The following SERINC5 variants were observed in gnomAD, a reference collection of about 807,000 sequenced individuals.
SERINC5 encodes serine incorporator 5.
In SERINC5, 41 loss-of-function variants were observed where a neutral mutation model predicts 63.1. That is an observed-to-expected ratio of 0.65 (90% CI 0.51 to 0.84). SERINC5 has a LOEUF of 0.84. Among genes scored for constraint, SERINC5 ranks in the 40% least tolerant of loss-of-function variants. SERINC5 has a pLI of 0.00. For missense variants in SERINC5, 523 were observed against 573.0 expected (o/e 0.91, Z 0.89); for synonymous variants, 222 against 215.2 (o/e 1.03, Z -0.28).
chr5:80,177,476 G>A (rs923574894), intron 3 of SERINC5, 79 bp from the exon 4 acceptor site: 5 of 1,118,780 alleles, frequency 4.5e-6, no homozygotes, highest in Non-Finnish European at 5.3e-6. Context: ...AGAAGGTACA[G>A]CATGTCAATC....
intron 2 of SERINC5, among the ~76,000 whole-genome samples, chr5:80,195,546 T>C (rs1749449518): frequency 6.6e-6 from 1 of 152,206 alleles, no homozygotes; most frequent in African/African-American, 2.4e-5. Flanking sequence ...TAAGGGGCCT[T>C]GTTTCAGGCA....
chr5:80,115,210 C>T (rs1744284937), intron 11 of SERINC5, among the ~76,000 whole-genome samples: 1 of 151,996 alleles, frequency 6.6e-6, no homozygotes, highest in Admixed American at 6.6e-5. Context: ...AGAAATAAAG[C>T]AGATAAACTG....
intron 1 of SERINC5, among the ~76,000 whole-genome samples, chr5:80,243,286 C>G (rs924524066): frequency 6.6e-6 from 1 of 152,128 alleles, no homozygotes; most frequent in South Asian, 2.1e-4. Flanking sequence ...AACCCTGACA[C>G]ACTGCATCAC....
chr5:80,147,889 T>C (rs1745923486), intron 9 of SERINC5, among the ~76,000 whole-genome samples: 1 of 152,176 alleles, frequency 6.6e-6, no homozygotes. Flanking sequence ...TTATCCTGTG[T>C]ACAGCTGAGG....
At chr5:80,180,574 T>C (rs1167194195) in intron 2 of SERINC5, among the ~76,000 whole-genome samples, 1 of 152,054 alleles carries the variant, frequency 6.6e-6, no homozygotes, top group Admixed American at 6.6e-5. Context: ...AATCACAGAA[T>C]CCTCTGTGGC....
chr5:80,143,835 C>T (rs911206092), intron 11 of SERINC5, 25 bp from the exon 12 acceptor site: 10 of 1,535,124 alleles, frequency 6.5e-6, no homozygotes, highest in Middle Eastern at 1.7e-4. Flanking sequence ...CACCTAGCCG[C>T]GGTCAAAGCA....
chr5:80,151,275 A>C (rs987109869), intron 8 of SERINC5, among the ~76,000 whole-genome samples: 1 of 152,182 alleles, frequency 6.6e-6, no homozygotes, highest in Non-Finnish European at 1.5e-5. Context: ...ATTTCAGTTT[A>C]TCTTTCCCTC....
chr5:80,141,499 GC>G lies in SERINC5; in HGVS notation c.*2163del, dbSNP rs1745502866. 1 of 985,446 alleles carries G rather than the reference GC, an allele frequency of 1.0e-6. No individual in the cohort carries two copies. Among genetic ancestry groups the G allele is most frequent in the Admixed American group, 6.1e-5 (1 of 16,270 alleles). The allele number at this position is 985,446 out of a possible 1,614,324, so 61.0% of individuals were successfully genotyped here. ...TCACACCAGCTGGCAGCCAGACCCAGCCGAGAGGACAAAGCAAGGGCTCTGC... is the reference window on the plus strand; with the variant it reads ...TCACACCAGCTGGCAGCCAGACCCAGCGAGAGGACAAAGCAAGGGCTCTGC... On this transcript the variant is annotated 3_prime_UTR_variant, in exon 12 of 12. Coordinates refer to ENST00000507668, the MANE Select transcript of SERINC5 (RefSeq NM_001174072.3).
At chr5:80,146,455 A>C (rs1355020478) in intron 10 of SERINC5, among the ~76,000 whole-genome samples, 2 of 151,886 alleles carry the variant, frequency 1.3e-5, no homozygotes, top group Non-Finnish European at 2.9e-5. Flanking sequence ...ATTTATTTTT[A>C]TTTATTTATT....
chr5:80,245,364 C>T (rs1472605065), intron 1 of SERINC5, among the ~76,000 whole-genome samples: 1 of 152,158 alleles, frequency 6.6e-6, no homozygotes, highest in Non-Finnish European at 1.5e-5. Flanking sequence ...TGCATGGGCT[C>T]ATCCACTTCT....
intron 2 of SERINC5, among the ~76,000 whole-genome samples, chr5:80,201,329 AG>A (rs1459012845): frequency 3.3e-5 from 5 of 152,272 alleles, no homozygotes; most frequent in African/African-American, 1.2e-4. Context: ...TTGGATAGCA[AG>A]GCTTTCTTCT....
chr5:80,190,912 G>A (rs1176065857), intron 2 of SERINC5, among the ~76,000 whole-genome samples: 1 of 151,638 alleles, frequency 6.6e-6, no homozygotes, highest in Non-Finnish European at 1.5e-5. Context: ...GGGGAACTAG[G>A]GTGCCCAGAC....
intron 9 of SERINC5, among the ~76,000 whole-genome samples, chr5:80,148,041 T>C (rs920871329): frequency 6.6e-6 from 1 of 152,030 alleles, no homozygotes; most frequent in Admixed American, 6.6e-5. Context: ...TTGGCGAAGC[T>C]GGTAGGATCT....
At chr5:80,173,878 A>G (rs1395565172) in intron 5 of SERINC5, among the ~76,000 whole-genome samples, 1 of 152,070 alleles carries the variant, frequency 6.6e-6, no homozygotes, top group Non-Finnish European at 1.5e-5. Context: ...ATCCCACTAA[A>G]AATCCAAAAA....
intron 5 of SERINC5, among the ~76,000 whole-genome samples, chr5:80,172,471 A>G (rs1200122700): frequency 6.6e-6 from 1 of 152,250 alleles, no homozygotes; most frequent in Non-Finnish European, 1.5e-5. Flanking sequence ...AACCTCACAG[A>G]AAAAGCAACT....
chr5:80,114,894 A>G (rs1374019368), intron 11 of SERINC5, among the ~76,000 whole-genome samples: 1 of 152,046 alleles, frequency 6.6e-6, no homozygotes, highest in African/African-American at 2.4e-5. Flanking sequence ...TTAAATGAGT[A>G]AGGTGGAAGC....
In SERINC5 at chr5:80,122,768, G is replaced by A. The variant is rs552768524; in HGVS notation, c.1239-9143C>T. On this transcript the variant is annotated intron_variant, in intron 11 of 12. Transcript: ENST00000509193. ...TGCTGCTTGAAGATGGCAGCACCAC[G>A]TGAGAAGGAATACCTCAAGGAACTG... Among the ~76,000 whole-genome samples, 130 of 152,310 alleles carry A rather than the reference G, an allele frequency of 8.5e-4. 1 individual carries two copies. Among genetic ancestry groups the A allele is most frequent in the Non-Finnish European group, 1.6e-3 (107 of 68,032 alleles).
chr5:80,185,696 G>A (rs1356452522), intron 2 of SERINC5, among the ~76,000 whole-genome samples: 2 of 152,124 alleles, frequency 1.3e-5, no homozygotes, highest in Admixed American at 6.6e-5. Context: ...TGGTGGGCAG[G>A]AATGGGAGTC....
At chr5:80,156,130 C>T (rs928182074) in intron 8 of SERINC5, among the ~76,000 whole-genome samples, 1 of 152,124 alleles carries the variant, frequency 6.6e-6, no homozygotes, top group Non-Finnish European at 1.5e-5. Context: ...CAATCTTGGC[C>T]TTCTTCTCCT....
Sources: gnomAD v4.1 joint callset for allele counts (sites outside exome capture counted in the v4.1 genomes callset) on GRCh38, gnomAD v4.1.1 for gene constraint, MANE v1.5 for transcripts, NCBI Gene and HGNC (gene_info 2026-07-23, HGNC 2026-07-21) for gene names.